MEIOB: variants seen among roughly 807,000 people sequenced by gnomAD.
MEIOB encodes meiosis specific with OB-fold.
MEIOB carries 50 observed loss-of-function variants against 53.1 expected under a neutral mutation model. That is an observed-to-expected ratio of 0.94 (90% CI 0.75 to 1.19). MEIOB has a LOEUF of 1.19. MEIOB is among the 50% of genes most tolerant of loss of function. The probability of loss-of-function intolerance (pLI) is 0.00; values close to 1 mark genes in which losing one functional copy is unlikely to be tolerated. For missense variants in MEIOB, 551 were observed against 550.8 expected (o/e 1.00, Z 0.00); for synonymous variants, 192 against 182.5 (o/e 1.05, Z -0.42).
intron 4 of MEIOB, 25 bp from the exon 5 acceptor site, chr16:1,860,500 G>A: frequency 3.8e-6 from 5 of 1,316,926 alleles, no homozygotes; most frequent in Non-Finnish European, 5.3e-6. Context: ...AAAGTATGAT[G>A]ATATTACAAA....
intron 9 of MEIOB, among the ~76,000 whole-genome samples, chr16:1,847,499 A>G (rs1596970912): frequency 6.6e-6 from 1 of 151,354 alleles, no homozygotes; most frequent in East Asian, 2.0e-4. Context: ...TTTTAGGGCC[A>G]AGCAAGGTGG....
chr16:1,841,757 A>C, intron 11 of MEIOB, 63 bp downstream of exon 11: 1 of 1,274,620 alleles, frequency 7.8e-7, no homozygotes, highest in East Asian at 2.6e-5. Context: ...GAGAGCTTAA[A>C]ATTTATTAAC....
At chr16:1,839,786 C>T (rs186419402) in intron 11 of MEIOB, 47 of 188,970 alleles carry the variant, frequency 2.5e-4, no homozygotes, top group Non-Finnish European at 3.4e-4. Context: ...GCAGAGTGCA[C>T]GCCTCAGGAC....
At chr16:1,849,544 T>TCAAAAAAAAAAA (rs1899108960) in intron 9 of MEIOB, among the ~76,000 whole-genome samples, 3 of 6,452 alleles carry the variant, frequency 4.6e-4, no homozygotes, top group Admixed American at 1.4e-3. Context: ...AGACTCCGTC[T>TCAAAAAAAAAAA]CAAAAAAAAA....
intron 5 of MEIOB, among the ~76,000 whole-genome samples, chr16:1,858,870 T>A (rs2150820535): frequency 6.6e-6 from 1 of 152,324 alleles, no homozygotes; most frequent in East Asian, 1.9e-4. Flanking sequence ...TCCTGTTTCT[T>A]CCCTCTACCA....
chr16:1,834,042 C>T lies in MEIOB; in HGVS notation c.*214G>A. 1 of 417,012 alleles carries T rather than the reference C, an allele frequency of 2.4e-6. No homozygotes were observed. The highest frequency in any genetic ancestry group is 4.2e-6 in the Non-Finnish European group (1 of 235,652). The allele number at this position is 417,012 out of a possible 1,614,324, so 25.8% of individuals were successfully genotyped here. A position where few individuals can be genotyped will look rare whatever the true frequency, so the allele number is the denominator to read the frequency against. Reference sequence around the variant, plus strand: ...AAACATTTTCCAACTTGGGAGGAGACAAGGCAAAGACAGTAGGAGGCCTTC... The same window carrying T: ...AAACATTTTCCAACTTGGGAGGAGATAAGGCAAAGACAGTAGGAGGCCTTC... On this transcript the variant is annotated 3_prime_UTR_variant, in exon 14 of 14. Transcript: ENST00000325962.
intron 3 of MEIOB, among the ~76,000 whole-genome samples, chr16:1,864,658 T>G (rs1393421105): frequency 6.6e-6 from 1 of 151,832 alleles, no homozygotes; most frequent in African/African-American, 2.4e-5. Flanking sequence ...CTGACTAATT[T>G]TGTATTTTTA....
chr16:1,840,298 C>T (rs1322190238), intron 11 of MEIOB: 1 of 152,152 alleles, frequency 6.6e-6, no homozygotes, highest in African/African-American at 2.4e-5. Context: ...AACTTTAATA[C>T]CACATCATAA....
At position 1,857,752 on chromosome 16, in the gene MEIOB, G is replaced by C; in HGVS notation, c.511C>G (p.Leu171Val). The change falls in exon 6 of 14, where the codon CTT (leucine) becomes GTT (valine). Residue 171 changes from leucine to valine, a missense_variant. Coordinates refer to ENST00000325962, the MANE Select transcript of MEIOB (RefSeq NM_001163560.3). ...TAACTTACCGATTTCACAGCTGCAA[G>C]CACGTTAATAATCCTCCCATTAAGA... ...HSLNGRIINVLAAVKSVGEPK... is the reference protein window; with the variant it reads ...HSLNGRIINVVAAVKSVGEPK... 1 of 1,551,280 alleles carries C rather than the reference G, an allele frequency of 6.4e-7. No homozygotes were observed. The highest frequency in any genetic ancestry group is 8.7e-7 in the Non-Finnish European group (1 of 1,146,838).
At chr16:1,842,412 C>G (rs1021891781) in intron 10 of MEIOB, among the ~76,000 whole-genome samples, 1 of 144,366 alleles carries the variant, frequency 6.9e-6, no homozygotes, top group Non-Finnish European at 1.5e-5. Flanking sequence ...GTTGGGAGAT[C>G]GAGAGCAGCC....
At chr16:1,844,661 C>T (rs1898987668) in intron 10 of MEIOB, among the ~76,000 whole-genome samples, 1 of 152,074 alleles carries the variant, frequency 6.6e-6, no homozygotes, top group Non-Finnish European at 1.5e-5. Context: ...GGCGTTTTGC[C>T]ATGTTGGCCA....
intron 12 of MEIOB, chr16:1,838,229 G>C (rs926206475): frequency 4.8e-6 from 2 of 420,632 alleles, no homozygotes; most frequent in Non-Finnish European, 8.4e-6. Flanking sequence ...TGAACTCCTG[G>C]CCTCAAGTGA....
chr16:1,867,379 TA>T (rs1207383159), intron 2 of MEIOB, among the ~76,000 whole-genome samples: 1 of 150,470 alleles, frequency 6.6e-6, no homozygotes, highest in African/African-American at 2.4e-5. Context: ...ACCTATATCA[TA>T]AAAGCAGCAT....
chr16:1,840,372 G>C (rs62038423), intron 11 of MEIOB, among the ~76,000 whole-genome samples: 27,031 of 151,930 alleles, frequency 0.18, 2,569 homozygotes, highest in South Asian at 0.27. Context: ...ACTTACAAGT[G>C]TGATAAAACT....
chr16:1,859,816 A>C (rs1417671851), intron 5 of MEIOB, among the ~76,000 whole-genome samples: 2 of 151,960 alleles, frequency 1.3e-5, no homozygotes, highest in African/African-American at 4.8e-5. Flanking sequence ...CCCGCCTTTG[A>C]GCTGATGCCC....
intron 4 of MEIOB, 122 bp from the exon 5 acceptor site, chr16:1,860,597 C>T (rs1418623967): frequency 4.9e-6 from 3 of 615,926 alleles, no homozygotes; most frequent in East Asian, 2.8e-5. Flanking sequence ...AAATTCCTCA[C>T]CTCATTCATC....
At chr16:1,858,540 C>T (rs1296435968) in intron 5 of MEIOB, among the ~76,000 whole-genome samples, 1 of 152,168 alleles carries the variant, frequency 6.6e-6, no homozygotes, top group Non-Finnish European at 1.5e-5. Context: ...GCTATCCTAA[C>T]TAAGCTTCAT....
chr16:1,857,735 C>A lies in MEIOB; in HGVS notation c.528G>T (p.Ser176=). 1.9e-6 allele frequency: 3 copies of A among 1,550,852 alleles called. No individual in the cohort carries two copies. Among genetic ancestry groups the A allele is most frequent in the Non-Finnish European group, 2.6e-6 (3 of 1,146,650 alleles). Residue 176 remains serine (S), a splice_region_variant and synonymous_variant, in exon 6 of 14, where the codon TCG becomes TCT. Coordinates refer to ENST00000325962, the MANE Select transcript of MEIOB (RefSeq NM_001163560.3). The stretch of plus-strand genomic sequence containing the variant: ...TGGCTTTGTCGGGGTTTTAACTTAC[C>A]GATTTCACAGCTGCAAGCACGTTAA... ...RIINVLAAVK[S]VGEPKYFTTS...
intron 2 of MEIOB, among the ~76,000 whole-genome samples, chr16:1,867,277 C>G (rs984496377): frequency 1.3e-5 from 2 of 151,780 alleles, no homozygotes; most frequent in Non-Finnish European, 2.9e-5. Context: ...AAGTAACAGT[C>G]GAGATGTGTT....
Sources: allele counts gnomAD v4.1 joint callset (sites outside exome capture counted in the v4.1 genomes callset), GRCh38; gene constraint gnomAD v4.1.1; transcripts MANE v1.5; gene names NCBI Gene and HGNC (gene_info 2026-07-23, HGNC 2026-07-21).